ATRN: variants seen among roughly 807,000 people sequenced by gnomAD.
ATRN encodes attractin-2.
In ATRN, 54 loss-of-function variants were observed where a neutral mutation model predicts 178.7. That is an observed-to-expected ratio of 0.30 (90% confidence interval 0.24 to 0.38). The LOEUF is 0.38. ATRN is among the 10% of genes least tolerant of loss of function. The probability of loss-of-function intolerance (pLI) is 1.00; values close to 1 mark genes in which losing one functional copy is unlikely to be tolerated. For missense variants in ATRN, 1,443 were observed against 1,815.1 expected (o/e 0.79, Z 3.73); for synonymous variants, 636 against 663.0 (o/e 0.96, Z 0.63).
chr20:3,620,993 T>A (rs1239345729), intron 24 of ATRN, among the ~76,000 whole-genome samples: 1 of 152,204 alleles, frequency 6.6e-6, no homozygotes, highest in African/African-American at 2.4e-5. Flanking sequence ...TATTTTTTTT[T>A]AAGCTCATCA....
chr20:3,626,743 A>G (rs1467654150), intron 25 of ATRN, among the ~76,000 whole-genome samples: 2 of 145,002 alleles, frequency 1.4e-5, no homozygotes, highest in African/African-American at 5.2e-5. Flanking sequence ...CAAACCATAC[A>G]TTGCATTTGC....
rs192614144 is a variant in ATRN at position 3,572,587 on chromosome 20, C to T, written c.1872-144C>T. ...GTCCCAGCTACTCAGGAGGCTGAGG[C>T]GAGAGGATCTCTTGAGCCCAGGAGT... On this transcript the variant is annotated intron_variant, in intron 11 of 28. Transcript: ENST00000262919. The T allele has an allele frequency of 2.3e-5, 15 of 638,688 alleles. No individual in the cohort carries two copies. The East Asian group carries it at 3.6e-4, about 15-fold the overall frequency. The allele number at this position is 638,688 out of a possible 1,614,324, so 39.6% of individuals were successfully genotyped here. A position where few individuals can be genotyped will look rare whatever the true frequency, so the allele number is the denominator to read the frequency against.
At chr20:3,589,437 T>A (rs1263012110) in intron 18 of ATRN, among the ~76,000 whole-genome samples, 1 of 152,188 alleles carries the variant, frequency 6.6e-6, no homozygotes, top group East Asian at 1.9e-4. Context: ...GTGAGGGTTT[T>A]TTTTTTTAAG....
At chr20:3,596,306 C>G in intron 20 of ATRN, 71 bp from the exon 21 acceptor site, 1 of 1,412,862 alleles carries the variant, frequency 7.1e-7, no homozygotes, top group Non-Finnish European at 1.0e-6. Context: ...ATAAAAGGAT[C>G]TGTTTGGTTT....
At chr20:3,485,093 C>T (rs2084672232) in intron 1 of ATRN, among the ~76,000 whole-genome samples, 1 of 152,036 alleles carries the variant, frequency 6.6e-6, no homozygotes. Flanking sequence ...GCTGTCACAT[C>T]TCTTTGTACC....
chr20:3,589,671 G>T (rs1382579680), intron 18 of ATRN, among the ~76,000 whole-genome samples: 1 of 93,172 alleles, frequency 1.1e-5, no homozygotes, highest in East Asian at 2.9e-4. Flanking sequence ...GTCAATATTG[G>T]TCAGTGGTTG....
At chr20:3,479,741 T>G (rs1348680108) in intron 1 of ATRN, among the ~76,000 whole-genome samples, 1 of 152,228 alleles carries the variant, frequency 6.6e-6, no homozygotes, top group Non-Finnish European at 1.5e-5. Flanking sequence ...AGGGAGGATC[T>G]GTTCCATGCC....
intron 19 of ATRN, among the ~76,000 whole-genome samples, chr20:3,593,487 G>C (rs966611162): frequency 2.6e-5 from 4 of 152,154 alleles, no homozygotes; most frequent in African/African-American, 9.7e-5. Flanking sequence ...AACTCAGAAA[G>C]GTTAAGTAGC....
At chr20:3,542,725 C>CA (rs1231474322) in intron 3 of ATRN, among the ~76,000 whole-genome samples, 2 of 151,328 alleles carry the variant, frequency 1.3e-5, no homozygotes, top group Non-Finnish European at 2.9e-5. Context: ...CTCCTGGGCT[C>CA]AAGAGATGCT....
At chr20:3,566,163 G>A (rs562753798) in intron 11 of ATRN, among the ~76,000 whole-genome samples, 5 of 152,138 alleles carry the variant, frequency 3.3e-5, no homozygotes, top group African/African-American at 4.8e-5. Context: ...ACTTCAGATG[G>A]GGGGATAAGG....
chr20:3,550,349 T>A (rs2085769996), intron 6 of ATRN, among the ~76,000 whole-genome samples: 1 of 152,168 alleles, frequency 6.6e-6, no homozygotes, highest in Admixed American at 6.5e-5. Flanking sequence ...GTTTTTGTAC[T>A]AGTGCCATGC....
Position 3,634,320 on chromosome 20 carries a change from C to G in ATRN, c.3873C>G (p.Leu1291=), listed in dbSNP as rs978943366. The change falls in exon 26 of 29, where the codon CTC becomes CTG. Residue 1291 remains leucine, a synonymous_variant. Transcript: ENST00000262919. Reference sequence around the variant, plus strand: ...CTTTCCTTTCTCACAGTTGTTTCCTCTCTTTGCTCCTGGTGGCTGCTGTGG... The same window carrying G: ...CTTTCCTTTCTCACAGTTGTTTCCTGTCTTTGCTCCTGGTGGCTGCTGTGG... ...QFFVTFFSCF[L]SLLLVAAVVW... is the part of the protein sequence containing the mutation. 9 of 1,611,968 alleles carry G rather than the reference C, an allele frequency of 5.6e-6. No homozygotes were observed. The highest frequency in any genetic ancestry group is 5.0e-5 in the Admixed American group (3 of 59,978).
chr20:3,556,402 A>G (rs1472063064), intron 6 of ATRN, among the ~76,000 whole-genome samples: 1 of 152,172 alleles, frequency 6.6e-6, no homozygotes, highest in Non-Finnish European at 1.5e-5. Context: ...GGCCTCAGGT[A>G]GTTCTGTGCT....
In ATRN at chr20:3,645,472, C is replaced by T. The variant is rs1015614132; in HGVS notation, c.4165+1204C>T. Among the ~76,000 whole-genome samples the T allele has an allele frequency of 6.6e-6, 1 of 152,208 alleles. No homozygotes were observed. Among genetic ancestry groups the T allele is most frequent in the Non-Finnish European group, 1.5e-5 (1 of 68,038 alleles). On this transcript the variant is annotated intron_variant, in intron 28 of 28. Coordinates refer to ENST00000262919, the MANE Select transcript of ATRN (RefSeq NM_139321.3). This position sits in a 1 kb window ranked among gnomAD's most constrained non-coding sequence, Gnocchi z 4.7. The stretch of plus-strand genomic sequence containing the variant: ...AAGTGCAGTTTGTGTCTCCTGCCAC[C>T]GCCCAGCCCAGCAAACAGTGGCTGG...
intron 11 of ATRN, among the ~76,000 whole-genome samples, chr20:3,570,627 T>G (rs1032472147): frequency 6.6e-6 from 1 of 152,230 alleles, no homozygotes; most frequent in Non-Finnish European, 1.5e-5. Context: ...TCAAACATTT[T>G]CCATCTTTAG....
chr20:3,513,882 T>G (rs1189956402), intron 1 of ATRN, among the ~76,000 whole-genome samples: 1 of 152,194 alleles, frequency 6.6e-6, no homozygotes, highest in African/African-American at 2.4e-5. Context: ...ACTCATGATT[T>G]GGCTCTCTGT....
intron 24 of ATRN, among the ~76,000 whole-genome samples, chr20:3,611,231 G>A (rs928038958): frequency 2.0e-5 from 3 of 152,120 alleles, no homozygotes; most frequent in African/African-American, 7.2e-5. Flanking sequence ...GAGAAACCCT[G>A]TTATGAAGAT....
At position 3,485,610 on chromosome 20, in the gene ATRN, G is replaced by GTTTTTTTTT. The variant is rs3084238; in HGVS notation, c.410+14114_410+14122dup. Among the ~76,000 whole-genome samples the GTTTTTTTTT allele has an allele frequency of 2.7e-3, 186 of 67,888 alleles. 23 individuals carry two copies. Among genetic ancestry groups the GTTTTTTTTT allele is most frequent in the African/African-American group, 6.4e-3 (115 of 18,104 alleles). The allele number at this position is 67,888 out of a possible 152,430, so 44.5% of individuals were successfully genotyped here. On this transcript the variant is annotated intron_variant, in intron 1 of 28. Transcript: ENST00000262919. ...TGGTTTGCCAATACATTTTTTTGAG[G>GTTTTTTTTT]TTTTTTTTTTTTTTTTTTTTTTTTT... is the stretch of plus-strand genomic sequence containing the variant.
intron 24 of ATRN, among the ~76,000 whole-genome samples, chr20:3,617,933 G>T (rs1405433175): frequency 6.6e-6 from 1 of 152,186 alleles, no homozygotes; most frequent in African/African-American, 2.4e-5. Context: ...CAGCCCACCT[G>T]TCTTGGTGAG....
Sources: allele counts gnomAD v4.1 joint callset (sites outside exome capture counted in the v4.1 genomes callset), GRCh38; gene constraint gnomAD v4.1.1; non-coding constraint Gnocchi (gnomAD v3.1); transcripts MANE v1.5; gene names NCBI Gene and HGNC (gene_info 2026-07-23, HGNC 2026-07-21).